CELF1: variants seen among roughly 807,000 people sequenced by gnomAD.
CELF1 encodes 50 kDa nuclear polyadenylated RNA-binding protein.
In CELF1, 10 loss-of-function variants were observed where a neutral mutation model predicts 61.8. That is an observed-to-expected ratio of 0.16 (90% CI 0.10 to 0.27). The LOEUF is 0.27. CELF1 is among the 10% of genes least tolerant of loss of function. The pLI, the probability that CELF1 is intolerant of heterozygous loss-of-function variation, is 1.00. For missense variants in CELF1, 380 were observed against 639.1 expected (o/e 0.59, Z 4.37); for synonymous variants, 236 against 225.1 (o/e 1.05, Z -0.43).
chr11:47,533,747 T>C (rs1387447965), intron 1 of CELF1, among the ~76,000 whole-genome samples: 2 of 142,302 alleles, frequency 1.4e-5, no homozygotes, highest in Non-Finnish European at 3.0e-5. Flanking sequence ...GAGGCAGGGG[T>C]TACAGTGAGC....
At chr11:47,525,599 ACCAAGC>A (rs1222601496) in intron 1 of CELF1, among the ~76,000 whole-genome samples, 1 of 152,210 alleles carries the variant, frequency 6.6e-6, no homozygotes, top group African/African-American at 2.4e-5. Flanking sequence ...GGCATGAGCC[ACCAAGC>A]CCAGCCTGGT....
At chr11:47,477,517 C>G in intron 10 of CELF1, 92 bp from the exon 11 acceptor site, 1 of 1,380,698 alleles carries the variant, frequency 7.2e-7, no homozygotes, top group South Asian at 1.3e-5. Flanking sequence ...GAGGGCTGGT[C>G]CCTGACAAAG....
chr11:47,533,390 G>T (rs182207508), intron 1 of CELF1, among the ~76,000 whole-genome samples: 1 of 152,248 alleles, frequency 6.6e-6, no homozygotes, highest in East Asian at 1.9e-4. Flanking sequence ...GGGAGGCCAA[G>T]GCAGGCAGAT....
rs554162528 is a variant in CELF1 at position 47,484,755 on chromosome 11, C to T, written c.392-232G>A. Among the ~76,000 whole-genome samples the T allele has an allele frequency of 3.4e-4, 51 of 152,228 alleles. 1 individual carries two copies. Among genetic ancestry groups the T allele is most frequent in the Admixed American group, 3.3e-3 (50 of 15,300 alleles). On this transcript the variant is annotated intron_variant, in intron 6 of 14. Coordinates refer to ENST00000687097, the MANE Select transcript of CELF1 (RefSeq NM_001376376.1). ...GTGTAATGGCGCGATCTCGGCTCAC[C>T]GCAAGCTCCGCCTCCCGGATTCAAG... is the stretch of plus-strand genomic sequence containing the variant.
At chr11:47,494,753 G>A (rs766389514) in intron 3 of CELF1, among the ~76,000 whole-genome samples, 2 of 152,156 alleles carry the variant, frequency 1.3e-5, no homozygotes, top group African/African-American at 4.8e-5. Flanking sequence ...AAACAAAAAC[G>A]GGCCTGGCCA....
chr11:47,540,870 G>A (rs2096757026), intron 1 of CELF1, among the ~76,000 whole-genome samples: 1 of 150,932 alleles, frequency 6.6e-6, no homozygotes, highest in African/African-American at 2.5e-5. Context: ...GGGCGACAGA[G>A]AGAGACTCCA....
chr11:47,533,610 G>A lies in CELF1; in HGVS notation c.-154+19382C>T, dbSNP rs2096545251. On this transcript the variant is annotated intron_variant, in intron 1 of 14. Transcript: ENST00000687097. ...CGCACTCCAGCCTGGGCTACAGAGC[G>A]AGACTCCATTTCAAAAAATAAATAA... Among the ~76,000 whole-genome samples, 5 of 148,030 alleles carry A rather than the reference G, an allele frequency of 3.4e-5. No individual in the cohort carries two copies. In the South Asian group the frequency reaches 6.4e-4, roughly 19 times the overall value.
chr11:47,494,387 CTA>C (rs2153516176), intron 3 of CELF1: 1 of 984,332 alleles, frequency 1.0e-6, no homozygotes, highest in African/African-American at 1.7e-5. Context: ...GAATGAGCAA[CTA>C]TGAAAATTCA....
Position 47,541,713 on chromosome 11 carries a change from AG to A in CELF1, c.-154+11278del, listed in dbSNP as rs1565904352. On this transcript the variant is annotated intron_variant, in intron 1 of 14. Coordinates refer to ENST00000687097, the MANE Select transcript of CELF1 (RefSeq NM_001376376.1). Reference sequence around the variant, plus strand: ...AAGAAAGAAAGAAAGAAAGAAAGAAAGAAAGAAAGAAAGAACGAAAGAAAGA... The same window carrying A: ...AAGAAAGAAAGAAAGAAAGAAAGAAAAAAGAAAGAAAGAACGAAAGAAAGA... Among the ~76,000 whole-genome samples the A allele has an allele frequency of 1.5e-3, 34 of 21,948 alleles. 1 individual carries two copies. Among genetic ancestry groups the A allele is most frequent in the African/African-American group, 4.7e-3 (23 of 4,938 alleles). The allele number at this position is 21,948 out of a possible 152,430, so 14.4% of individuals were successfully genotyped here.
At position 47,553,030 on chromosome 11, in the gene CELF1, G is replaced by A. The variant is rs1237885008; in HGVS notation, c.-192C>T. 1 of 400,086 alleles carries A rather than the reference G, an allele frequency of 2.5e-6. No homozygotes were observed. The highest frequency in any genetic ancestry group is 4.4e-6 in the Non-Finnish European group (1 of 227,282). 24.8% of individuals were successfully genotyped at this position (400,086 alleles called of 1,614,324 possible). A position where few individuals can be genotyped will look rare whatever the true frequency, so the allele number is the denominator to read the frequency against. On this transcript the variant is annotated 5_prime_UTR_variant, in exon 1 of 15. Transcript: ENST00000687097. The stretch of plus-strand genomic sequence containing the variant: ...TGAGCCTGCCGCTGCCTCAGTTGCT[G>A]CCTGCGCCTCCGCAGCCGCCGCCGC...
At chr11:47,535,503 A>T (rs2096604473) in intron 1 of CELF1, among the ~76,000 whole-genome samples, 1 of 151,470 alleles carries the variant, frequency 6.6e-6, no homozygotes, top group Non-Finnish European at 1.5e-5. Context: ...ACATGGAGAA[A>T]CTCCGTCTCT....
rs780142833 is a variant in CELF1, at chr11:47,472,066, C to T, written c.*164G>A. On this transcript the variant is annotated 3_prime_UTR_variant, in exon 15 of 15. Coordinates refer to ENST00000687097, the MANE Select transcript of CELF1 (RefSeq NM_001376376.1). ...TCCTCTGTACGAAGCGAAACTCCCA[C>T]AGAAGGCAGTAGCCGAGTCTTCAGG... 19 of 758,036 alleles carry T rather than the reference C, an allele frequency of 2.5e-5. No homozygotes were observed. Among genetic ancestry groups the T allele is most frequent in the Non-Finnish European group, 4.0e-5 (19 of 469,890 alleles). 47.0% of individuals were successfully genotyped at this position (758,036 alleles called of 1,614,324 possible).
At chr11:47,540,119 A>G (rs979124504) in intron 1 of CELF1, among the ~76,000 whole-genome samples, 2 of 152,186 alleles carry the variant, frequency 1.3e-5, no homozygotes, top group African/African-American at 2.4e-5. Flanking sequence ...CCACTCCCCT[A>G]AAGTATATGC....
chr11:47,558,535 T>G (rs1259769371), intron 2 of CELF1, among the ~76,000 whole-genome samples: 3 of 112,096 alleles, frequency 2.7e-5, no homozygotes, highest in African/African-American at 1.2e-4. Flanking sequence ...ATGTATATAT[T>G]TATATATTTA....
intron 1 of CELF1, among the ~76,000 whole-genome samples, chr11:47,514,449 T>G (rs1238087723): frequency 3.3e-5 from 5 of 152,180 alleles, no homozygotes; most frequent in African/African-American, 1.2e-4. Context: ...TTTAGTTATA[T>G]GATCTTTCCA....
At chr11:47,516,615 G>A (rs76318539) in intron 1 of CELF1, among the ~76,000 whole-genome samples, 2 of 120,490 alleles carry the variant, frequency 1.7e-5, no homozygotes, top group African/African-American at 6.1e-5. Flanking sequence ...TTTTTTTTTT[G>A]TTTGAGACAG....
At chr11:47,491,309 T>C (rs1485045055) in intron 3 of CELF1, among the ~76,000 whole-genome samples, 1 of 151,694 alleles carries the variant, frequency 6.6e-6, no homozygotes, top group East Asian at 1.9e-4. Flanking sequence ...ATTACAGGTA[T>C]GCGCCACCAT....
At chr11:47,503,539 G>A (rs1345763171) in intron 1 of CELF1, among the ~76,000 whole-genome samples, 1 of 152,144 alleles carries the variant, frequency 6.6e-6, no homozygotes, top group Admixed American at 6.5e-5. Context: ...ATCTATATGA[G>A]GGAATTCAAA....
intron 3 of CELF1, among the ~76,000 whole-genome samples, chr11:47,492,282 ATTTTC>A (rs960250285): frequency 6.6e-6 from 1 of 152,020 alleles, no homozygotes; most frequent in Non-Finnish European, 1.5e-5. Context: ...CGCCTGGCCT[ATTTTC>A]TTTTGAGTGT....
Sources: gnomAD v4.1 joint callset for allele counts (sites outside exome capture counted in the v4.1 genomes callset) on GRCh38, gnomAD v4.1.1 for gene constraint, MANE v1.5 for transcripts, NCBI Gene and HGNC (gene_info 2026-07-23, HGNC 2026-07-21) for gene names.